Variants in ARSG observed in about 807,000 individuals in gnomAD.
ARSG encodes ASG.
ARSG carries 37 observed loss-of-function variants against 50.5 expected under a neutral mutation model. That is an observed-to-expected ratio of 0.73 (90% CI 0.56 to 0.96). The LOEUF (loss-of-function observed/expected upper bound fraction) is 0.96. Among genes scored for constraint, ARSG ranks in the 50% least tolerant of loss-of-function variants. The pLI, the probability that ARSG is intolerant of heterozygous loss-of-function variation, is 0.00. For synonymous variants in ARSG, 225 were observed against 254.6 expected, an observed-to-expected ratio of 0.88 and a Z score of 1.11; for missense variants, 629 against 675.3, an observed-to-expected ratio of 0.93 and a Z score of 0.76.
At chr17:68,432,613 G>A in the ARSG span, among the ~76,000 whole-genome samples, 2 of 151,908 alleles carry the variant, frequency 1.3e-5, no homozygotes, top group African/African-American at 4.8e-5. Flanking sequence ...TAAGGTGCCC[G>A]GCCTCTGTTA....
the ARSG span, chr17:68,433,440 A>G: frequency 6.3e-7 from 1 of 1,597,432 alleles, no homozygotes; most frequent in South Asian, 1.1e-5. Flanking sequence ...TCGTTTAATG[A>G]GCATTTGGTG....
At chr17:68,281,307 G>T (rs963512483) in intron 1 of ARSG, among the ~76,000 whole-genome samples, 10 of 152,022 alleles carry the variant, frequency 6.6e-5, no homozygotes, top group Non-Finnish European at 1.3e-4. Flanking sequence ...GGTGGCTCAC[G>T]CCTGTAATCC....
chr17:68,428,855 T>C, the ARSG span: 1 of 1,614,078 alleles, frequency 6.2e-7, no homozygotes, highest in South Asian at 1.1e-5. Context: ...AGACACACTC[T>C]CCTCCATCCT....
intron 9 of ARSG, among the ~76,000 whole-genome samples, chr17:68,394,134 A>G (rs1399784619): frequency 2.6e-5 from 4 of 152,278 alleles, no homozygotes; most frequent in Admixed American, 2.6e-4. Context: ...CTGAGATTAC[A>G]GGCATAAGCC....
At chr17:68,450,836 G>A in the ARSG span, 1 of 1,614,202 alleles carries the variant, frequency 6.2e-7, no homozygotes, top group Non-Finnish European at 8.5e-7. Flanking sequence ...TTGTGTGACT[G>A]ACTACCACCA....
chr17:68,331,348 C>A (rs2077758736), intron 2 of ARSG, among the ~76,000 whole-genome samples: 1 of 151,426 alleles, frequency 6.6e-6, no homozygotes, highest in African/African-American at 2.4e-5. Context: ...GGGTTCATGC[C>A]ATTCTCCTGC....
intron 10 of ARSG, among the ~76,000 whole-genome samples, chr17:68,395,437 A>G (rs1379477038): frequency 6.6e-6 from 1 of 152,180 alleles, no homozygotes; most frequent in African/African-American, 2.4e-5. Context: ...AAGATACAAA[A>G]ATTAGCTGAG....
intron 1 of ARSG, chr17:68,270,797 G>C (rs782313663): frequency 9.3e-6 from 14 of 1,501,520 alleles, no homozygotes; most frequent in Admixed American, 8.4e-5. Context: ...CAATTCACAA[G>C]GGAAAGTAGA....
chr17:68,392,104 G>A (rs555952897), intron 9 of ARSG, among the ~76,000 whole-genome samples: 1 of 152,316 alleles, frequency 6.6e-6, no homozygotes, highest in South Asian at 2.1e-4. Context: ...TGGTGCATGC[G>A]AAAGCCTGAA....
chr17:68,403,203 G>A (rs1032372832), intron 11 of ARSG, among the ~76,000 whole-genome samples: 6 of 152,174 alleles, frequency 3.9e-5, no homozygotes, highest in Admixed American at 1.3e-4. Context: ...CTAGATTAGA[G>A]TCCTTATATT....
At chr17:68,305,205 G>A (rs371655085) in intron 1 of ARSG, among the ~76,000 whole-genome samples, 11 of 152,268 alleles carry the variant, frequency 7.2e-5, no homozygotes, top group African/African-American at 2.6e-4. Flanking sequence ...AGCTAATCTA[G>A]TTTTATCCTT....
intron 1 of ARSG, among the ~76,000 whole-genome samples, chr17:68,280,616 C>T (rs150286154): frequency 7.2e-4 from 110 of 152,328 alleles, no homozygotes; most frequent in African/African-American, 2.5e-3. Context: ...CCCCACCTTT[C>T]ACCCTATACA....
chr17:68,379,792 G>A, intron 8 of ARSG: 2 of 984,694 alleles, frequency 2.0e-6, no homozygotes, highest in Non-Finnish European at 2.4e-6. Context: ...AAAACACTAG[G>A]CATGCCCAAC....
intron 9 of ARSG, among the ~76,000 whole-genome samples, chr17:68,389,939 C>A (rs2080913501): frequency 6.6e-6 from 1 of 152,004 alleles, no homozygotes; most frequent in Non-Finnish European, 1.5e-5. Flanking sequence ...TTACCTACCC[C>A]CCACCTGCAC....
chr17:68,311,103 C>A (rs1336252638), intron 2 of ARSG, among the ~76,000 whole-genome samples: 3 of 152,188 alleles, frequency 2.0e-5, no homozygotes, highest in Non-Finnish European at 2.9e-5. Context: ...TTGCAGTGAT[C>A]TGAGATTGCA....
At chr17:68,305,547 T>C (rs2076574876) in intron 1 of ARSG, among the ~76,000 whole-genome samples, 1 of 152,212 alleles carries the variant, frequency 6.6e-6, no homozygotes, top group African/African-American at 2.4e-5. Flanking sequence ...GATGCACCAC[T>C]GGTTGAACAT....
chr17:68,417,307 C>T (rs914242029), intron 11 of ARSG, among the ~76,000 whole-genome samples: 9 of 152,162 alleles, frequency 5.9e-5, no homozygotes, highest in South Asian at 4.1e-4. Flanking sequence ...CTCCTGAGGG[C>T]AGGCCTTGTT....
intron 1 of ARSG, among the ~76,000 whole-genome samples, chr17:68,281,714 G>A (rs1195446491): frequency 2.0e-5 from 3 of 152,084 alleles, no homozygotes; most frequent in African/African-American, 7.2e-5. Flanking sequence ...CCACAGTGAG[G>A]TATCATCTTA....
At chr17:68,437,157 T>C in the ARSG span, among the ~76,000 whole-genome samples, 1 of 152,082 alleles carries the variant, frequency 6.6e-6, no homozygotes, top group African/African-American at 2.4e-5. Context: ...AATCTTCCTA[T>C]AGTGAAAAGT....
Sources: allele counts gnomAD v4.1 joint callset (sites outside exome capture counted in the v4.1 genomes callset), GRCh38; gene constraint gnomAD v4.1.1; transcripts MANE v1.5; gene names NCBI Gene and HGNC (gene_info 2026-07-23, HGNC 2026-07-21).